The following PRPF39 variants were observed in gnomAD, a reference collection of about 807,000 sequenced individuals.
PRPF39 encodes the protein pre-mRNA-processing factor 39.
In PRPF39, 27 loss-of-function variants were observed where a neutral mutation model predicts 82.1. The observed-to-expected ratio is 0.33, with a 90% CI of 0.24 to 0.45. The LOEUF is 0.45. Among genes scored for constraint, PRPF39 ranks in the 20% least tolerant of loss-of-function variants. The pLI, the probability that PRPF39 is intolerant of heterozygous loss-of-function variation, is 1.00. For synonymous variants in PRPF39, 261 were observed against 256.4 expected, an observed-to-expected ratio of 1.02 and a Z score of -0.17; for missense variants, 581 against 796.9, an observed-to-expected ratio of 0.73 and a Z score of 3.26.
chr14:45,085,100 T>C (rs1031980090), intron 1 of PRPF39, among the ~76,000 whole-genome samples: 6 of 152,198 alleles, frequency 3.9e-5, no homozygotes, highest in African/African-American at 1.4e-4. Flanking sequence ...AAGCAAGTTT[T>C]GGACAGGGAC....
At chr14:45,104,038 C>T (rs753048261) in intron 5 of PRPF39, among the ~76,000 whole-genome samples, 3 of 152,084 alleles carry the variant, frequency 2.0e-5, no homozygotes, top group African/African-American at 7.2e-5. Context: ...AAAGGGGAGA[C>T]ACAGGGAGAT....
intron 1 of PRPF39, among the ~76,000 whole-genome samples, chr14:45,088,536 G>A (rs1013441933): frequency 6.6e-6 from 1 of 152,160 alleles, no homozygotes; most frequent in African/African-American, 2.4e-5. Context: ...GTAGAGAAGA[G>A]GCAAGAGTTT....
intron 4 of PRPF39, 89 bp from the exon 5 acceptor site, chr14:45,102,440 A>T (rs1884406650): frequency 1.8e-6 from 2 of 1,126,702 alleles, no homozygotes; most frequent in Non-Finnish European, 2.4e-6. Context: ...ATAATTTTTG[A>T]AGTTAGCATT....
chr14:45,095,775 GTAA>G (rs1377638387), intron 2 of PRPF39: 15 of 651,778 alleles, frequency 2.3e-5, no homozygotes, highest in East Asian at 3.1e-5. Context: ...TTAATGTTTT[GTAA>G]TAATTGAGGT....
intron 4 of PRPF39, among the ~76,000 whole-genome samples, chr14:45,100,393 T>C (rs965485777): frequency 6.6e-6 from 1 of 152,344 alleles, no homozygotes; most frequent in East Asian, 1.9e-4. Context: ...AGTAACCTTA[T>C]ATCTTATTCC....
chr14:45,104,285 C>T (rs781294911), intron 5 of PRPF39, among the ~76,000 whole-genome samples: 5 of 152,104 alleles, frequency 3.3e-5, no homozygotes, highest in Admixed American at 6.6e-5. Context: ...ACATACTGAT[C>T]TATAATCTGA....
chr14:45,112,177 T>C (rs1884717531), intron 10 of PRPF39, 141 bp from the exon 11 acceptor site: 2 of 781,062 alleles, frequency 2.6e-6, no homozygotes, highest in Non-Finnish European at 3.8e-6. Context: ...AGATATATGC[T>C]GAAAACATTT....
rs1449516189 is a variant in PRPF39, at chr14:45,114,520, C to T, written c.1859C>T (p.Ala620Val). 1 of 1,582,726 alleles carries T rather than the reference C, an allele frequency of 6.3e-7. No homozygotes were observed. Among genetic ancestry groups the T allele is most frequent in the South Asian group, 1.2e-5 (1 of 84,756 alleles). Residue 620 changes from alanine to valine, a missense_variant, in exon 13 of 14, where the codon GCA (alanine) becomes GTA (valine). By Grantham distance (64) the Ala-to-Val change is moderately conservative. Coordinates refer to ENST00000355765, the MANE Select transcript of PRPF39 (RefSeq NM_017922.4). ...NGSEEPEEKK[A>V]HTEDTTSSST... is the part of the protein sequence containing the mutation. Reference sequence around the variant, plus strand: ...TCAGAAGAACCAGAGGAAAAGAAAGCACATACAGAAGATACAACTTCATCA... The same window carrying T: ...TCAGAAGAACCAGAGGAAAAGAAAGTACATACAGAAGATACAACTTCATCA...
chr14:45,114,844 T>G lies in PRPF39; in HGVS notation c.1954-13T>G. On this transcript the variant is annotated splice_polypyrimidine_tract_variant and intron_variant, in intron 13 of 13. Transcript: ENST00000355765. ...AGTTCTAATATGCTAACATACTTAC[T>G]TTTTCCTTTCAGTACAATTATCAGA... 6.3e-7 allele frequency: 1 copy of G among 1,582,706 alleles called. No individual in the cohort carries two copies. The highest frequency in any genetic ancestry group is 1.7e-5 in the Admixed American group (1 of 59,874).
intron 1 of PRPF39, among the ~76,000 whole-genome samples, chr14:45,088,015 G>A (rs1015354556): frequency 6.6e-6 from 1 of 152,166 alleles, no homozygotes. Context: ...TCAATGAATT[G>A]AGTGTATACT....
chr14:45,091,064 C>T (rs1217456070), intron 1 of PRPF39, among the ~76,000 whole-genome samples: 6 of 150,664 alleles, frequency 4.0e-5, no homozygotes, highest in South Asian at 2.1e-4. Flanking sequence ...TTTTCTTTTT[C>T]CTTGTTTTTA....
At position 45,114,923 on chromosome 14, in the gene PRPF39, T is replaced by C; in HGVS notation, c.*10T>C. On this transcript the variant is annotated 3_prime_UTR_variant, in exon 14 of 14. Transcript: ENST00000355765. Reference sequence around the variant, plus strand: ...TCCCCCTCCAACCTGATGGGAAAAATGTAAATTTCAAATGCAGTGTGTGAA... The same window carrying C: ...TCCCCCTCCAACCTGATGGGAAAAACGTAAATTTCAAATGCAGTGTGTGAA... 6.3e-7 allele frequency: 1 copy of C among 1,579,498 alleles called. No homozygotes were observed. The highest frequency in any genetic ancestry group is 8.7e-7 in the Non-Finnish European group (1 of 1,149,182).
chr14:45,085,668 C>G (rs1258256467), intron 1 of PRPF39, among the ~76,000 whole-genome samples: 2 of 152,146 alleles, frequency 1.3e-5, no homozygotes, highest in Non-Finnish European at 2.9e-5. Context: ...TATGTAGAGA[C>G]TTTAAAAAGT....
chr14:45,095,176 T>G, intron 1 of PRPF39, 45 bp from the exon 2 acceptor site: 1 of 1,310,094 alleles, frequency 7.6e-7, no homozygotes, highest in African/African-American at 1.5e-5. Context: ...CAAATAATTT[T>G]ATTGGCATTT....
chr14:45,108,287 A>G, intron 6 of PRPF39, 128 bp from the exon 7 acceptor site: 1 of 1,095,990 alleles, frequency 9.1e-7, no homozygotes, highest in Non-Finnish European at 1.2e-6. Flanking sequence ...ATAATTGCCA[A>G]CAGTTAAAAA....
In PRPF39 at chr14:45,110,451, G is replaced by A; in HGVS notation, c.1304-98G>A. 1 of 1,309,888 alleles carries A rather than the reference G, an allele frequency of 7.6e-7. No homozygotes were observed. The allele number at this position is 1,309,888 out of a possible 1,614,324, so 81.1% of individuals were successfully genotyped here. On this transcript the variant is annotated intron_variant, in intron 9 of 13. Transcript: ENST00000355765. The surrounding 1 kb of genome is among the most constrained non-coding windows in gnomAD (Gnocchi z 4.0). ...GCATGGCTGTTTCCCATTATTAGTT[G>A]CTGGATTTAGCCCATGGGTGATTGT...
rs182783222 is a variant in PRPF39, at chr14:45,112,561, G to A, written c.1757+59G>A. ...TAAATGAGCATTGATATTTTTGTAT[G>A]GGGATTTGATGATTAGTATAGATTA... is the stretch of plus-strand genomic sequence containing the variant. On this transcript the variant is annotated intron_variant, in intron 11 of 13. Coordinates refer to ENST00000355765, the MANE Select transcript of PRPF39 (RefSeq NM_017922.4). 6,714 of 1,383,318 alleles carry A rather than the reference G, an allele frequency of 4.9e-3. 23 individuals carry two copies. The highest frequency in any genetic ancestry group is 5.7e-3 in the Non-Finnish European group (6,051 of 1,061,802). The allele number at this position is 1,383,318 out of a possible 1,614,324, so 85.7% of individuals were successfully genotyped here. A position where few individuals can be genotyped will look rare whatever the true frequency, so the allele number is the denominator to read the frequency against.
At chr14:45,090,726 A>G (rs73349842) in intron 1 of PRPF39, among the ~76,000 whole-genome samples, 16,058 of 151,660 alleles carry the variant, frequency 0.11, 1,161 homozygotes, top group African/African-American at 0.21. Context: ...GTGTGTGTGT[A>G]TGTGTTTGTG....
chr14:45,110,744 G>A lies in PRPF39; in HGVS notation c.1499G>A (p.Arg500Gln), dbSNP rs1337615771. 1.9e-6 allele frequency: 3 copies of A among 1,557,320 alleles called. No homozygotes were observed. Among genetic ancestry groups the A allele is most frequent in the Non-Finnish European group, 2.6e-6 (3 of 1,149,764 alleles). ...TCATTTTATGCTGTCAAACTAGCCCGGCATCTTTTCAAAATACAGAAAAAC... is the reference window on the plus strand; with the variant it reads ...TCATTTTATGCTGTCAAACTAGCCCAGCATCTTTTCAAAATACAGAAAAAC... The part of the protein sequence containing the change: ...ESSFYAVKLA[R>Q]HLFKIQKNLP... Residue 500 changes from arginine (R) to glutamine (Q), a missense_variant, in exon 10 of 14, where the codon CGG becomes CAG. Transcript: ENST00000355765. This position sits in a 1 kb window ranked among gnomAD's most constrained non-coding sequence, Gnocchi z 4.0.
Sources: allele counts gnomAD v4.1 joint callset (sites outside exome capture counted in the v4.1 genomes callset), GRCh38; gene constraint gnomAD v4.1.1; non-coding constraint Gnocchi (gnomAD v3.1); transcripts MANE v1.5; gene names NCBI Gene and HGNC (gene_info 2026-07-23, HGNC 2026-07-21).